CEPT1: variants seen among roughly 807,000 people sequenced by gnomAD.
CEPT1 encodes the protein choline/ethanolaminephosphotransferase 1.
In CEPT1, 7 loss-of-function variants were observed where a neutral mutation model predicts 42.6. That is an observed-to-expected ratio of 0.16 (90% CI 0.09 to 0.31). The LOEUF is 0.31. Ranked by LOEUF, CEPT1 falls within the 10% of genes least tolerant of loss-of-function variation. The pLI is 1.00. For missense variants in CEPT1, 306 were observed against 502.1 expected, an observed-to-expected ratio of 0.61 and a Z score of 3.73; for synonymous variants, 171 against 171.9, an observed-to-expected ratio of 0.99 and a Z score of 0.04.
chr1:111,150,159 T>C (rs566794115), intron 2 of CEPT1, among the ~76,000 whole-genome samples: 51 of 152,330 alleles, frequency 3.3e-4, no homozygotes, highest in African/African-American at 1.1e-3. Context: ...GCTATCCTTA[T>C]TAGGCTCAAA....
At position 111,147,697 on chromosome 1, in the gene CEPT1, T is replaced by A; in HGVS notation, c.-18T>A. The A allele has an allele frequency of 1.3e-6, 2 of 1,526,024 alleles. No homozygotes were observed. The highest frequency in any genetic ancestry group is 1.8e-6 in the Non-Finnish European group (2 of 1,123,764). The allele number at this position is 1,526,024 out of a possible 1,614,324, so 94.5% of individuals were successfully genotyped here. ...AAGGGAAATTACTGTCTTTAAATAT[T>A]AAAAAAAAACAAGATCCATGAGTGG... is the stretch of plus-strand genomic sequence containing the variant. On this transcript the variant is annotated 5_prime_UTR_variant, in exon 2 of 9. Transcript: ENST00000357172.
chr1:111,147,876 C>T lies in CEPT1; in HGVS notation c.162C>T (p.His54=). The stretch of plus-strand genomic sequence containing the variant: ...ACCAACTAAAGCGGCTAGAAGAACA[C>T]AGATATCAAAGTGCTGGACGGTCCC... ...SRHQLKRLEE[H]RYQSAGRSLL... is the part of the protein sequence containing the mutation. The change falls in exon 2 of 9, where the codon CAC becomes CAT. Residue 54 remains histidine, a synonymous_variant. Coordinates refer to ENST00000357172, the MANE Select transcript of CEPT1 (RefSeq NM_006090.5). The T allele has an allele frequency of 1.9e-6, 3 of 1,614,118 alleles. No individual in the cohort carries two copies. Among genetic ancestry groups the T allele is most frequent in the Non-Finnish European group, 1.7e-6 (2 of 1,180,004 alleles).
At chr1:111,175,251 A>G (rs188469516) in intron 5 of CEPT1, among the ~76,000 whole-genome samples, 54 of 152,286 alleles carry the variant, frequency 3.5e-4, no homozygotes, top group African/African-American at 1.2e-3. Context: ...CAAGTTAACC[A>G]GTGACAAGAT....
At chr1:111,151,197 T>G (rs1264958462) in intron 2 of CEPT1, among the ~76,000 whole-genome samples, 1 of 151,800 alleles carries the variant, frequency 6.6e-6, no homozygotes. Flanking sequence ...CAGTCTCGGT[T>G]CACTGCAACC....
At chr1:111,147,576 T>C (rs1371871237) in intron 1 of CEPT1, 66 bp from the exon 2 acceptor site, 1 of 550,804 alleles carries the variant, frequency 1.8e-6, no homozygotes, top group East Asian at 3.0e-5. Context: ...TTGTTAATAT[T>C]GGCATAAGAT....
chr1:111,144,011 A>G (rs1439144150), intron 1 of CEPT1, among the ~76,000 whole-genome samples: 3 of 152,162 alleles, frequency 2.0e-5, no homozygotes, highest in Non-Finnish European at 4.4e-5. Flanking sequence ...ATTACAGGCA[A>G]TGAGCCACTG....
At chr1:111,156,083 A>G (rs2101284737) in intron 2 of CEPT1, among the ~76,000 whole-genome samples, 1 of 152,078 alleles carries the variant, frequency 6.6e-6, no homozygotes, top group Admixed American at 6.5e-5. Flanking sequence ...TGTATCTTGT[A>G]GGTTTTGGTA....
At chr1:111,159,273 T>C in intron 2 of CEPT1, 107 bp from the exon 3 acceptor site, 1 of 1,014,980 alleles carries the variant, frequency 9.9e-7, no homozygotes, top group East Asian at 2.5e-5. Flanking sequence ...TTGGATCTTC[T>C]CTCCCATAGC....
rs1199292760 is a variant in CEPT1 at position 111,146,124 on chromosome 1, A to G, written c.-73-1518A>G. ...ATGGTCTCTGTTCCTCCTCCTCCTC[A>G]CTATGGTAAGTTTCTCACAAGGTTC... On this transcript the variant is annotated intron_variant, in intron 1 of 8. Coordinates refer to ENST00000357172, the MANE Select transcript of CEPT1 (RefSeq NM_006090.5). Among the ~76,000 whole-genome samples, 4 of 143,716 alleles carry G rather than the reference A, an allele frequency of 2.8e-5. No individual in the cohort carries two copies. In the Admixed American group the frequency reaches 2.8e-4, roughly 10 times the overall value. The allele number at this position is 143,716 out of a possible 152,430, so 94.3% of individuals were successfully genotyped here. A position where few individuals can be genotyped will look rare whatever the true frequency, so the allele number is the denominator to read the frequency against.
At chr1:111,149,015 A>G (rs754156227) in intron 2 of CEPT1, among the ~76,000 whole-genome samples, 1 of 152,142 alleles carries the variant, frequency 6.6e-6, no homozygotes, top group Non-Finnish European at 1.5e-5. Flanking sequence ...TAATCTTCTC[A>G]GATTATTTGT....
intron 2 of CEPT1, among the ~76,000 whole-genome samples, chr1:111,159,015 G>A (rs1394496966): frequency 7.5e-6 from 1 of 133,546 alleles, no homozygotes; most frequent in Non-Finnish European, 1.5e-5. Context: ...CCGGGTTCAC[G>A]CCATTCTCCT....
chr1:111,171,019 G>A (rs917724203), intron 4 of CEPT1, among the ~76,000 whole-genome samples: 26 of 152,136 alleles, frequency 1.7e-4, no homozygotes, highest in Admixed American at 5.2e-4. Context: ...ACATGTAGAA[G>A]AACAATAGAT....
chr1:111,142,749 G>T (rs528847107), intron 1 of CEPT1, among the ~76,000 whole-genome samples: 3 of 152,288 alleles, frequency 2.0e-5, no homozygotes, highest in African/African-American at 7.2e-5. Context: ...GACAGGCTTG[G>T]CCCATGCACT....
At chr1:111,171,556 T>A (rs1656412405) in intron 4 of CEPT1, among the ~76,000 whole-genome samples, 1 of 152,190 alleles carries the variant, frequency 6.6e-6, no homozygotes, top group Non-Finnish European at 1.5e-5. Flanking sequence ...ATCAGATGAA[T>A]GGTTTGCTTC....
chr1:111,164,613 ATTGTTTTGTT>A (rs550248609), intron 4 of CEPT1, among the ~76,000 whole-genome samples: 6 of 150,192 alleles, frequency 4.0e-5, no homozygotes, highest in African/African-American at 1.2e-4. Flanking sequence ...ATTTTTTTGG[ATTGTTTTGTT>A]TTGTTTTGTT....
chr1:111,162,973 G>T (rs147647026), intron 4 of CEPT1, among the ~76,000 whole-genome samples: 3,785 of 152,218 alleles, frequency 0.025, 80 homozygotes, highest in Non-Finnish European at 0.038. Flanking sequence ...AGAAAATTTT[G>T]AGCATTCAGA....
chr1:111,145,303 G>A (rs926636745), intron 1 of CEPT1, among the ~76,000 whole-genome samples: 1 of 152,168 alleles, frequency 6.6e-6, no homozygotes, highest in Non-Finnish European at 1.5e-5. Context: ...CGCGCCTGGC[G>A]AAATATTAAA....
intron 2 of CEPT1, among the ~76,000 whole-genome samples, chr1:111,155,461 G>GTA (rs1655511385): frequency 6.6e-6 from 1 of 151,014 alleles, no homozygotes; most frequent in Admixed American, 6.6e-5. Flanking sequence ...GTGTGTGTGT[G>GTA]TATACACACA....
chr1:111,169,335 A>G (rs13374301), intron 4 of CEPT1, among the ~76,000 whole-genome samples: 4,111 of 152,124 alleles, frequency 0.027, 200 homozygotes, highest in African/African-American at 0.093. Flanking sequence ...CCCCTTTTTT[A>G]TTGTTGATTA....
Sources: gnomAD v4.1 joint callset for allele counts (sites outside exome capture counted in the v4.1 genomes callset) on GRCh38, gnomAD v4.1.1 for gene constraint, MANE v1.5 for transcripts, NCBI Gene and HGNC (gene_info 2026-07-23, HGNC 2026-07-21) for gene names.